SERPINB3: variants seen among roughly 807,000 people sequenced by gnomAD.
The protein encoded by SERPINB3 is serpin family B member 3.
SERPINB3 carries 33 observed loss-of-function variants against 33.0 expected under a neutral mutation model. The observed-to-expected ratio is 1.00, with a 90% CI of 0.76 to 1.34. The LOEUF is 1.34. SERPINB3 is among the 40% of genes most tolerant of loss of function. The pLI, the probability that SERPINB3 is intolerant of heterozygous loss-of-function variation, is 0.00. For synonymous variants in SERPINB3, 200 were observed against 170.9 expected (o/e 1.17, Z -1.33); for missense variants, 518 against 461.5 (o/e 1.12, Z -1.12).
At chr18:63,657,178 C>A (rs138850123) in intron 6 of SERPINB3, 92 bp downstream of exon 6, 5 of 912,500 alleles carry the variant, frequency 5.5e-6, no homozygotes, top group Non-Finnish European at 7.9e-6. Context: ...CAGACATGAA[C>A]AATTTTATTT....
intron 2 of SERPINB3, 44 bp from the exon 3 acceptor site, chr18:63,660,900 A>G (rs1453041225): frequency 2.5e-6 from 4 of 1,612,730 alleles, no homozygotes; most frequent in African/African-American, 2.7e-5. Flanking sequence ...TACTCAAAAG[A>G]TCTGTTTAAG....
chr18:63,661,378 C>G, intron 1 of SERPINB3, 136 bp from the exon 2 acceptor site: 3 of 952,912 alleles, frequency 3.1e-6, no homozygotes, highest in Non-Finnish European at 4.7e-6. Context: ...TTATTTTTAA[C>G]GTTTCAATCT....
chr18:63,661,292 T>C, intron 1 of SERPINB3, 50 bp from the exon 2 acceptor site: 2 of 1,508,696 alleles, frequency 1.3e-6, no homozygotes, highest in South Asian at 2.5e-5. Context: ...AATGGAATGG[T>C]ATTTTGTAGT....
chr18:63,658,830 C>G (rs556108139), intron 4 of SERPINB3, among the ~76,000 whole-genome samples, 200 bp from the exon 5 acceptor site: 1 of 152,236 alleles, frequency 6.6e-6, no homozygotes, highest in Non-Finnish European at 1.5e-5. Context: ...AAAGAGGTCA[C>G]CGAAGGTCAA....
chr18:63,657,209 C>T lies in SERPINB3; in HGVS notation c.612+61G>A, dbSNP rs1382036567. On this transcript the variant is annotated intron_variant, in intron 6 of 7. Coordinates refer to ENST00000283752, the MANE Select transcript of SERPINB3 (RefSeq NM_006919.3). ...TATTTTTTACTTGTCATGGTACATT[C>T]CATCAGAAATGTTTAAATTTATTAA... 4 of 979,158 alleles carry T rather than the reference C, an allele frequency of 4.1e-6. No homozygotes were observed. The East Asian group carries it at 1.1e-4, about 27-fold the overall frequency. The allele number at this position is 979,158 out of a possible 1,614,324, so 60.7% of individuals were successfully genotyped here. A position where few individuals can be genotyped will look rare whatever the true frequency, so the allele number is the denominator to read the frequency against.
At chr18:63,658,364 T>C (rs1913551972) in intron 5 of SERPINB3, 149 bp downstream of exon 5, 1 of 627,970 alleles carries the variant, frequency 1.6e-6, no homozygotes, top group Non-Finnish European at 2.8e-6. Context: ...TCATAATCAT[T>C]TGGAAAAACT....
At chr18:63,658,449 T>G (rs892425046) in intron 5 of SERPINB3, 64 bp downstream of exon 5, 2 of 1,390,612 alleles carry the variant, frequency 1.4e-6, no homozygotes, top group Non-Finnish European at 1.0e-6. Context: ...CCATGCAGTT[T>G]CAGGCATAGG....
In SERPINB3 at chr18:63,659,644, C is replaced by G. The variant is rs1009462535; in HGVS notation, c.223-117G>C. On this transcript the variant is annotated intron_variant, in intron 3 of 7. Transcript: ENST00000283752. ...GGTAGTCTCAATGAGGACCTTTGAG[C>G]TTATTCCCTGATACTTGGTGTATTT... 5.4e-5 allele frequency: 73 copies of G among 1,360,552 alleles called. No individual in the cohort carries two copies. In the Middle Eastern group the frequency reaches 7.4e-4, roughly 14 times the overall value. 84.3% of individuals were successfully genotyped at this position (1,360,552 alleles called of 1,614,324 possible).
chr18:63,658,986 C>T (rs552418089), intron 4 of SERPINB3, among the ~76,000 whole-genome samples: 52 of 152,130 alleles, frequency 3.4e-4, no homozygotes, highest in Non-Finnish European at 6.2e-4. Flanking sequence ...ATCTTTCATC[C>T]TGTGCATTCA....
rs151099886 is a variant in SERPINB3 at position 63,656,931 on chromosome 18, G to A, written c.668C>T (p.Ser223Leu). Residue 223 changes from serine (S) to leucine (L), a missense_variant, in exon 7 of 8, where the codon TCG becomes TTG. Coordinates refer to ENST00000283752, the MANE Select transcript of SERPINB3 (RefSeq NM_006919.3). ...GACCTTGGCCTGTACATCCTCCAGC[G>A]AGGCAAAATGAAAAGATGTGTATTG... The part of the protein sequence containing the change: ...MRQYTSFHFA[S>L]LEDVQAKVLE... The A allele has an allele frequency of 1.4e-4, 222 of 1,613,056 alleles. No individual in the cohort carries two copies. The highest frequency in any genetic ancestry group is 3.1e-4 in the East Asian group (14 of 44,852).
intron 5 of SERPINB3, 54 bp downstream of exon 5, chr18:63,658,459 G>A (rs953449002): frequency 6.8e-7 from 1 of 1,479,246 alleles, no homozygotes; most frequent in Non-Finnish European, 9.4e-7. Context: ...TCAGGCATAG[G>A]GCTCACTCGC....
At chr18:63,657,939 A>C (rs1913541875) in intron 5 of SERPINB3, among the ~76,000 whole-genome samples, 1 of 151,832 alleles carries the variant, frequency 6.6e-6, no homozygotes, top group Non-Finnish European at 1.5e-5. Flanking sequence ...AGTTGCTGTA[A>C]GTTTGGCCTG....
intron 3 of SERPINB3, 96 bp downstream of exon 3, chr18:63,660,704 C>T: frequency 6.6e-7 from 1 of 1,523,880 alleles, no homozygotes; most frequent in Non-Finnish European, 9.1e-7. Flanking sequence ...AAGATTTTCC[C>T]TAAAAATGGC....
Position 63,657,065 on chromosome 18 carries a change from T to A in SERPINB3, c.613-79A>T. 3.2e-6 allele frequency: 4 copies of A among 1,261,564 alleles called. No individual in the cohort carries two copies. The South Asian group carries it at 6.9e-5, about 22-fold the overall frequency. 78.1% of individuals were successfully genotyped at this position (1,261,564 alleles called of 1,614,324 possible). A position where few individuals can be genotyped will look rare whatever the true frequency, so the allele number is the denominator to read the frequency against. On this transcript the variant is annotated intron_variant, in intron 6 of 7. Coordinates refer to ENST00000283752, the MANE Select transcript of SERPINB3 (RefSeq NM_006919.3). ...ATAATATTATTGAGATATCAACACA[T>A]CCTTCTTTTAAGAAATAATCCAAGA...
rs746000475 is a variant in SERPINB3, at chr18:63,656,839, G to T, written c.760C>A (p.Leu254Ile). The T allele has an allele frequency of 3.1e-6, 5 of 1,609,256 alleles. No individual in the cohort carries two copies. In the South Asian group the frequency reaches 5.5e-5, roughly 18 times the overall value. The change falls in exon 7 of 8, where the codon CTC (leucine) becomes ATC (isoleucine). Residue 254 changes from leucine (L) to isoleucine (I), a missense_variant. Physicochemically the swap from Leu to Ile is conservative, Grantham distance 5. Transcript: ENST00000283752. ...TAGATGCAAGTTCTTACCTTCTGGA[G>T]ACCATCGATTTCATTTGGCAGCAAC... ...IVLLPNEIDG[L>I]QKLEEKLTAE...
chr18:63,661,028 C>T (rs1568172299), intron 2 of SERPINB3, 24 bp downstream of exon 2: 5 of 1,613,164 alleles, frequency 3.1e-6, no homozygotes, highest in Non-Finnish European at 4.2e-6. Flanking sequence ...TGCAACAGGA[C>T]AACATAATGA....
In SERPINB3 at chr18:63,660,949, C is replaced by G. The variant is rs557452919; in HGVS notation, c.166-93G>C. The G allele has an allele frequency of 2.6e-5, 42 of 1,609,954 alleles. No homozygotes were observed. In the East Asian group the frequency reaches 8.9e-4, roughly 34 times the overall value. On this transcript the variant is annotated intron_variant, in intron 2 of 7. Coordinates refer to ENST00000283752, the MANE Select transcript of SERPINB3 (RefSeq NM_006919.3). ...AGTTACGGGAATTCCTGCTCAGCCC[C>G]CTGTGCTACCCATCAGACCACCACA...
rs766660887 is a variant in SERPINB3, at chr18:63,655,750, A to T, written c.1080T>A (p.Asn360Lys). ...AAGGGTGATTACAATGGAACTCTTC[A>T]TTAGTTGAAGTAGGTGATGATCCGA... ...VGFGSSPTST[N>K]EEFHCNHPFL... Residue 360 changes from asparagine (N) to lysine (K), a missense_variant, in exon 8 of 8, where the codon AAT (asparagine) becomes AAA (lysine). By Grantham distance (94) the Asn-to-Lys change is moderately conservative (BLOSUM62 0). Transcript: ENST00000283752. 53 of 1,613,728 alleles carry T rather than the reference A, an allele frequency of 3.3e-5. No individual in the cohort carries two copies. In the African/African-American group the frequency reaches 5.2e-4, roughly 16 times the overall value.
intron 3 of SERPINB3, among the ~76,000 whole-genome samples, chr18:63,660,073 A>T (rs944666499): frequency 4.6e-5 from 7 of 152,136 alleles, no homozygotes; most frequent in Non-Finnish European, 1.0e-4. Flanking sequence ...TACATGGGTA[A>T]CTTTAAGTCT....
Sources: allele counts gnomAD v4.1 joint callset (sites outside exome capture counted in the v4.1 genomes callset), GRCh38; gene constraint gnomAD v4.1.1; transcripts MANE v1.5; gene names NCBI Gene and HGNC (gene_info 2026-07-23, HGNC 2026-07-21).